SORCS2: variants seen among roughly 807,000 people sequenced by gnomAD.
SORCS2 encodes the protein sortilin related VPS10 domain containing receptor 2.
Under a neutral mutation model 141.6 loss-of-function variants are expected in SORCS2, and 100 were observed. The ratio of observed to expected loss-of-function variants is 0.71; its 90% CI spans 0.60 to 0.83. The LOEUF (loss-of-function observed/expected upper bound fraction) is 0.83. Among genes scored for constraint, SORCS2 ranks in the 40% least tolerant of loss-of-function variants. SORCS2 has a pLI of 0.00. For missense variants in SORCS2, 1,646 were observed against 1,560.2 expected (o/e 1.05, Z -0.93); for synonymous variants, 789 against 676.9 (o/e 1.17, Z -2.57).
chr4:7,639,827 T>A (rs1192032044), intron 4 of SORCS2, among the ~76,000 whole-genome samples: 1 of 145,890 alleles, frequency 6.9e-6, no homozygotes, highest in Non-Finnish European at 1.5e-5. Flanking sequence ...GAGGGTGTGT[T>A]TTAGTGTGTA....
At position 7,726,725 on chromosome 4, in the gene SORCS2, C is replaced by T. The variant is rs569418345; in HGVS notation, c.2746-55C>T. 3.0e-4 allele frequency: 478 copies of T among 1,591,740 alleles called. 1 individual carries two copies. The African/African-American group carries it at 5.4e-3, about 18-fold the overall frequency. ...AGGCAGCGACCATAGGCCAGCGTCCCCCACGGCCGCTGCCTCACTCGGCCA... is the reference window on the plus strand; with the variant it reads ...AGGCAGCGACCATAGGCCAGCGTCCTCCACGGCCGCTGCCTCACTCGGCCA... On this transcript the variant is annotated intron_variant, in intron 20 of 26. Transcript: ENST00000507866.
intron 1 of SORCS2, among the ~76,000 whole-genome samples, chr4:7,316,172 A>G (rs1718536211): frequency 6.7e-6 from 1 of 150,152 alleles, no homozygotes; most frequent in Non-Finnish European, 1.5e-5. Flanking sequence ...TATCCCTCCT[A>G]TTCACCCATT....
intron 2 of SORCS2, among the ~76,000 whole-genome samples, chr4:7,410,949 CTTTT>C (rs5855962): frequency 7.4e-4 from 55 of 73,844 alleles, no homozygotes; most frequent in Non-Finnish European, 9.2e-4. Context: ...TCTCTCCATC[CTTTT>C]TTTTTTTTTT....
At chr4:7,427,191 AG>A in intron 2 of SORCS2, among the ~76,000 whole-genome samples, 1 of 151,638 alleles carries the variant, frequency 6.6e-6, no homozygotes, top group East Asian at 1.9e-4. Context: ...GGGCACATGG[AG>A]GGTGACCTAG....
chr4:7,368,044 C>T (rs1351092682), intron 1 of SORCS2, among the ~76,000 whole-genome samples: 1 of 152,296 alleles, frequency 6.6e-6, no homozygotes, highest in East Asian at 1.9e-4. Flanking sequence ...TGTTTAAATA[C>T]CATAAGCTCC....
At chr4:7,438,340 G>T (rs970213741) in intron 2 of SORCS2, among the ~76,000 whole-genome samples, 11 of 152,330 alleles carry the variant, frequency 7.2e-5, no homozygotes, top group Admixed American at 5.9e-4. Flanking sequence ...TGCATCGTGT[G>T]GGGGGCCATT....
chr4:7,433,807 T>A (rs1327996350), intron 2 of SORCS2: 2 of 1,613,552 alleles, frequency 1.2e-6, no homozygotes, highest in African/African-American at 2.7e-5. Flanking sequence ...CTTGCACACC[T>A]TCTCTGGGGT....
intron 18 of SORCS2, among the ~76,000 whole-genome samples, chr4:7,718,754 G>A (rs910064229): frequency 2.0e-5 from 3 of 152,120 alleles, no homozygotes; most frequent in Non-Finnish European, 2.9e-5. Context: ...TTCTTCTGAC[G>A]TTAAAAATAA....
intron 2 of SORCS2, among the ~76,000 whole-genome samples, chr4:7,399,630 T>C (rs1485199261): frequency 6.6e-6 from 1 of 152,088 alleles, no homozygotes; most frequent in Non-Finnish European, 1.5e-5. Flanking sequence ...AGCACCATTC[T>C]TCCCTGGAAA....
At chr4:7,617,389 T>A (rs982480379) in intron 3 of SORCS2, among the ~76,000 whole-genome samples, 2 of 152,074 alleles carry the variant, frequency 1.3e-5, no homozygotes, top group East Asian at 3.9e-4. Context: ...CGTGCATGCA[T>A]ACACCCTTTC....
At chr4:7,707,100 C>T (rs1577099064) in intron 14 of SORCS2, among the ~76,000 whole-genome samples, 1 of 152,228 alleles carries the variant, frequency 6.6e-6, no homozygotes, top group Non-Finnish European at 1.5e-5. Context: ...GCTCTGTGGG[C>T]AGCAGCCTGT....
intron 3 of SORCS2, among the ~76,000 whole-genome samples, chr4:7,587,030 A>T (rs1050262412): frequency 6.7e-6 from 1 of 148,902 alleles, no homozygotes; most frequent in Non-Finnish European, 1.5e-5. Context: ...ATTAAGAATG[A>T]CCTCTTAGCT....
intron 3 of SORCS2, among the ~76,000 whole-genome samples, chr4:7,543,151 C>T (rs1322473580): frequency 6.6e-6 from 1 of 152,212 alleles, no homozygotes; most frequent in Non-Finnish European, 1.5e-5. Context: ...GAGGCTTCCA[C>T]ATGGTGGGTG....
chr4:7,458,508 TC>T (rs1173558245), intron 2 of SORCS2, among the ~76,000 whole-genome samples: 1 of 152,232 alleles, frequency 6.6e-6, no homozygotes, highest in Admixed American at 6.5e-5. Context: ...AGCCTGACAT[TC>T]ATGCTTCACT....
At chr4:7,244,785 G>A (rs1268431075) in intron 1 of SORCS2, among the ~76,000 whole-genome samples, 5 of 152,240 alleles carry the variant, frequency 3.3e-5, no homozygotes, top group African/African-American at 1.2e-4. Flanking sequence ...ATTGGGAAAA[G>A]GAGGCTGCAG....
chr4:7,726,726 C>A, intron 20 of SORCS2, 54 bp from the exon 21 acceptor site: 1 of 1,592,240 alleles, frequency 6.3e-7, no homozygotes. Context: ...CCAGCGTCCC[C>A]CACGGCCGCT....
At chr4:7,351,738 CCT>C in intron 1 of SORCS2, among the ~76,000 whole-genome samples, 1 of 151,554 alleles carries the variant, frequency 6.6e-6, no homozygotes, top group Non-Finnish European at 1.5e-5. Context: ...CCCATCTATT[CCT>C]CTCTCTCTCC....
intron 10 of SORCS2, among the ~76,000 whole-genome samples, chr4:7,684,882 C>G (rs879730544): frequency 4.6e-5 from 7 of 152,076 alleles, no homozygotes; most frequent in Non-Finnish European, 1.0e-4. Flanking sequence ...GGAGGAATTC[C>G]TCCTCCCAGA....
At chr4:7,653,460 C>G (rs113505638) in intron 4 of SORCS2, among the ~76,000 whole-genome samples, 4,568 of 152,172 alleles carry the variant, frequency 0.03, 258 homozygotes, top group African/African-American at 0.1. Flanking sequence ...TCAGGCTGGT[C>G]TCGAACTCCC....
Sources: gnomAD v4.1 joint callset for allele counts (sites outside exome capture counted in the v4.1 genomes callset) on GRCh38, gnomAD v4.1.1 for gene constraint, MANE v1.5 for transcripts, NCBI Gene and HGNC (gene_info 2026-07-23, HGNC 2026-07-21) for gene names.